Variants in CCND2 observed in about 807,000 individuals in gnomAD.
The protein encoded by CCND2 is G1/S-specific cyclin-D2.
CCND2 carries 6 observed loss-of-function variants against 30.2 expected under a neutral mutation model. The observed-to-expected ratio is 0.20, with a 90% confidence interval of 0.11 to 0.39. The LOEUF (loss-of-function observed/expected upper bound fraction) is 0.39, where lower values mean the gene tolerates loss of function less well. Among genes scored for constraint, CCND2 ranks in the 10% least tolerant of loss-of-function variants. The probability of loss-of-function intolerance (pLI) is 1.00; values close to 1 mark genes in which losing one functional copy is unlikely to be tolerated. For missense variants in CCND2, 235 were observed against 373.4 expected, an observed-to-expected ratio of 0.63 and a Z score of 3.06; for synonymous variants, 150 against 153.1, an observed-to-expected ratio of 0.98 and a Z score of 0.15.
At position 4,276,326 on chromosome 12, in the gene CCND2, A is replaced by G; in HGVS notation, c.411+106A>G. ...CCAGAGCAAATTCTTGGGATCCAGAATGACCCCACCAATAGAATTTACCCA... is the reference window on the plus strand; with the variant it reads ...CCAGAGCAAATTCTTGGGATCCAGAGTGACCCCACCAATAGAATTTACCCA... On this transcript the variant is annotated intron_variant, in intron 2 of 4. Transcript: ENST00000261254. The surrounding 1 kb of genome is among the most constrained non-coding windows in gnomAD (Gnocchi z 4.8). 1 of 884,252 alleles carries G rather than the reference A, an allele frequency of 1.1e-6. No homozygotes were observed. The highest frequency in any genetic ancestry group is 1.8e-6 in the Non-Finnish European group (1 of 569,712). 54.8% of individuals were successfully genotyped at this position (884,252 alleles called of 1,614,324 possible). A position where few individuals can be genotyped will look rare whatever the true frequency, so the allele number is the denominator to read the frequency against.
chr12:4,279,733 T>C (rs908573608), intron 3 of CCND2, among the ~76,000 whole-genome samples: 2 of 151,246 alleles, frequency 1.3e-5, no homozygotes, highest in African/African-American at 4.8e-5. Context: ...GTTTTTTTTT[T>C]TCTTGGTAGT....
intron 3 of CCND2, among the ~76,000 whole-genome samples, chr12:4,281,662 C>T (rs528428529): frequency 3.3e-5 from 5 of 152,154 alleles, no homozygotes; most frequent in South Asian, 4.2e-4. Flanking sequence ...ACCCTCAGGC[C>T]GTGCAGCTAT....
intron 3 of CCND2, among the ~76,000 whole-genome samples, chr12:4,281,366 A>G (rs1863945281): frequency 6.6e-6 from 1 of 152,122 alleles, no homozygotes; most frequent in Non-Finnish European, 1.5e-5. Context: ...CTTGAAGGAA[A>G]CACCTTCCAT....
In CCND2 at chr12:4,299,133, G is replaced by A. The variant is rs568148635; in HGVS notation, c.721-727G>A. Among the ~76,000 whole-genome samples, 9 of 152,044 alleles carry A rather than the reference G, an allele frequency of 5.9e-5. No homozygotes were observed. The highest frequency in any genetic ancestry group is 5.9e-4 in the Admixed American group (9 of 15,292). ...TCCCAGCACTTTGGGAGGCCGATGCGGGCGGATCACAAGGTCAGGAGTTCG... is the reference window on the plus strand; with the variant it reads ...TCCCAGCACTTTGGGAGGCCGATGCAGGCGGATCACAAGGTCAGGAGTTCG... On this transcript the variant is annotated intron_variant, in intron 4 of 4. Transcript: ENST00000261254. The surrounding 1 kb of genome is among the most constrained non-coding windows in gnomAD (Gnocchi z 5.2).
At chr12:4,297,115 A>G (rs12299509) in intron 4 of CCND2, among the ~76,000 whole-genome samples, 64,637 of 152,090 alleles carry the variant, frequency 0.42, 14,749 homozygotes, top group East Asian at 0.56. Flanking sequence ...TTCCTCTCTG[A>G]TGTAGAACCT....
In CCND2 at chr12:4,285,605, C is replaced by A; in HGVS notation, c.572-3237C>A. 5.3e-6 allele frequency: 1 copy of A among 189,212 alleles called. No homozygotes were observed. Among genetic ancestry groups the A allele is most frequent in the Non-Finnish European group, 9.8e-6 (1 of 101,962 alleles). The allele number at this position is 189,212 out of a possible 1,614,324, so 11.7% of individuals were successfully genotyped here. A position where few individuals can be genotyped will look rare whatever the true frequency, so the allele number is the denominator to read the frequency against. ...ATCTTCATCGTCGCATGCATGCATG[C>A]AATTTGGTTTTCCGCTTCCTTCTTC... is the stretch of plus-strand genomic sequence containing the variant. On this transcript the variant is annotated intron_variant, in intron 3 of 4. Coordinates refer to ENST00000261254, the MANE Select transcript of CCND2 (RefSeq NM_001759.4). The surrounding 1 kb of genome is among the most constrained non-coding windows in gnomAD (Gnocchi z 4.1).
chr12:4,284,327 A>C (rs1396256689), intron 3 of CCND2, among the ~76,000 whole-genome samples: 1 of 152,226 alleles, frequency 6.6e-6, no homozygotes, highest in African/African-American at 2.4e-5. Flanking sequence ...AGGTCAGGTA[A>C]CTTGCTCATC....
In CCND2 at chr12:4,297,570, C is replaced by CAA. The variant is rs71061177; in HGVS notation, c.721-2264_721-2263dup. 9.2e-3 allele frequency among the ~76,000 whole-genome samples: 685 copies of CAA among 74,688 alleles called. 33 individuals carry two copies. The highest frequency in any genetic ancestry group is 0.021 in the East Asian group (36 of 1,700). 49.0% of individuals were successfully genotyped at this position (74,688 alleles called of 152,430 possible). A position where few individuals can be genotyped will look rare whatever the true frequency, so the allele number is the denominator to read the frequency against. ...TGGGCGACAGAGCAACACTCTGTCTCAAAAAAAAAAAAAAAAAAAAAAAAA... is the reference window on the plus strand; with the variant it reads ...TGGGCGACAGAGCAACACTCTGTCTCAAAAAAAAAAAAAAAAAAAAAAAAAAA... On this transcript the variant is annotated intron_variant, in intron 4 of 4. Coordinates refer to ENST00000261254, the MANE Select transcript of CCND2 (RefSeq NM_001759.4).
chr12:4,297,416 CAAA>C (rs1864185940), intron 4 of CCND2, among the ~76,000 whole-genome samples: 1 of 151,406 alleles, frequency 6.6e-6, no homozygotes, highest in Admixed American at 6.6e-5. Context: ...ACTATAAATA[CAAA>C]AATCAGCTGG....
rs2120600814 is a variant in CCND2, at chr12:4,302,506, A to T, written c.*2497A>T. 4.3e-6 allele frequency: 1 copy of T among 233,012 alleles called. No individual in the cohort carries two copies. The highest frequency in any genetic ancestry group is 8.5e-6 in the Non-Finnish European group (1 of 117,922). The allele number at this position is 233,012 out of a possible 1,614,324, so 14.4% of individuals were successfully genotyped here. On this transcript the variant is annotated 3_prime_UTR_variant, in exon 5 of 5. Coordinates refer to ENST00000261254, the MANE Select transcript of CCND2 (RefSeq NM_001759.4). ...GCATGGACACCTTGTGTTTAGGATC[A>T]TCTCTGCAGGTTTCCTAGGTCTGAA...
In CCND2 at chr12:4,287,909, C is replaced by G. The variant is rs3217849; in HGVS notation, c.572-933C>G. On this transcript the variant is annotated intron_variant, in intron 3 of 4. Coordinates refer to ENST00000261254, the MANE Select transcript of CCND2 (RefSeq NM_001759.4). The surrounding 1 kb of genome is among the most constrained non-coding windows in gnomAD (Gnocchi z 4.0). ...TGGTCTTCCAAGAGGAGCCCTCTAGCATGGCAGTGGACGGGGTTCAAGCCC... is the reference window on the plus strand; with the variant it reads ...TGGTCTTCCAAGAGGAGCCCTCTAGGATGGCAGTGGACGGGGTTCAAGCCC... Among the ~76,000 whole-genome samples, 29 of 152,312 alleles carry G rather than the reference C, an allele frequency of 1.9e-4. No homozygotes were observed. Among genetic ancestry groups the G allele is most frequent in the African/African-American group, 7.0e-4 (29 of 41,580 alleles).
In CCND2 at chr12:4,274,319, G is replaced by A; in HGVS notation, c.195+84G>A. 1 of 1,432,254 alleles carries A rather than the reference G, an allele frequency of 7.0e-7. No homozygotes were observed. The allele number at this position is 1,432,254 out of a possible 1,614,324, so 88.7% of individuals were successfully genotyped here. A position where few individuals can be genotyped will look rare whatever the true frequency, so the allele number is the denominator to read the frequency against. ...GGCCGGAGCCCTAAACCTGGGAGAGGGCAATCCCCGCGCCGGCCTCCCGGC... is the reference window on the plus strand; with the variant it reads ...GGCCGGAGCCCTAAACCTGGGAGAGAGCAATCCCCGCGCCGGCCTCCCGGC... On this transcript the variant is annotated intron_variant, in intron 1 of 4. Transcript: ENST00000261254. The surrounding 1 kb of genome is among the most constrained non-coding windows in gnomAD (Gnocchi z 7.7).
intron 4 of CCND2, among the ~76,000 whole-genome samples, chr12:4,292,769 G>A (rs553392706): frequency 1.7e-4 from 26 of 152,216 alleles, no homozygotes; most frequent in African/African-American, 4.6e-4. Context: ...TAGGGGGGAC[G>A]TCTATTGGGG....
chr12:4,287,131 G>A lies in CCND2; in HGVS notation c.572-1711G>A, dbSNP rs1021234578. ...GGGCGGGTGGACAGCAGGCGTGGGC[G>A]CAGCACCATTATATACGTCCCTCAA... is the stretch of plus-strand genomic sequence containing the variant. On this transcript the variant is annotated intron_variant, in intron 3 of 4. Transcript: ENST00000261254. The surrounding 1 kb of genome is among the most constrained non-coding windows in gnomAD (Gnocchi z 4.0). Among the ~76,000 whole-genome samples, 2 of 152,222 alleles carry A rather than the reference G, an allele frequency of 1.3e-5. No individual in the cohort carries two copies. Among genetic ancestry groups the A allele is most frequent in the African/African-American group, 4.8e-5 (2 of 41,456 alleles).
At position 4,293,899 on chromosome 12, in the gene CCND2, G is replaced by A. The variant is rs555376664; in HGVS notation, c.720+4909G>A. 4.6e-5 allele frequency among the ~76,000 whole-genome samples: 7 copies of A among 152,328 alleles called. No homozygotes were observed. Among genetic ancestry groups the A allele is most frequent in the African/African-American group, 1.4e-4 (6 of 41,562 alleles). ...AAGCTGGGGGTGGGGAGGTGGAATAGAATCGGGGGCTGATGCCTCCCTCTC... is the reference window on the plus strand; with the variant it reads ...AAGCTGGGGGTGGGGAGGTGGAATAAAATCGGGGGCTGATGCCTCCCTCTC... On this transcript the variant is annotated intron_variant, in intron 4 of 4. Transcript: ENST00000261254. This position sits in a 1 kb window ranked among gnomAD's most constrained non-coding sequence, Gnocchi z 4.9.
intron 2 of CCND2, among the ~76,000 whole-genome samples, chr12:4,278,211 CAG>C (rs755045208): frequency 2.0e-5 from 3 of 152,194 alleles, no homozygotes; most frequent in African/African-American, 2.4e-5. Flanking sequence ...GTTTGAGCAG[CAG>C]AGAGATAAAG....
At chr12:4,290,617 T>C (rs28664121) in intron 4 of CCND2, among the ~76,000 whole-genome samples, 84 of 149,812 alleles carry the variant, frequency 5.6e-4, no homozygotes, top group African/African-American at 1.6e-3. Flanking sequence ...TGTAACCTTT[T>C]CCCCCGATGT....
At chr12:4,290,767 C>T (rs577310005) in intron 4 of CCND2, among the ~76,000 whole-genome samples, 86 of 152,308 alleles carry the variant, frequency 5.6e-4, no homozygotes, top group African/African-American at 1.9e-3. Context: ...CTTGGCTTTT[C>T]GAGACCGCAG....
rs1000472058 is a variant in CCND2 at position 4,273,785 on chromosome 12, G to C, written c.-256G>C. ...TCAGAGCGGAGAAGAGCGAGCAGGG[G>C]AGAGCGAGACCAGTTTTAAGGGGAG... On this transcript the variant is annotated 5_prime_UTR_variant, in exon 1 of 5. Coordinates refer to ENST00000261254, the MANE Select transcript of CCND2 (RefSeq NM_001759.4). This position sits in a 1 kb window ranked among gnomAD's most constrained non-coding sequence, Gnocchi z 5.9. 2.5e-5 allele frequency: 14 copies of C among 558,548 alleles called. No individual in the cohort carries two copies. The highest frequency in any genetic ancestry group is 4.1e-5 in the Non-Finnish European group (13 of 314,780). 34.6% of individuals were successfully genotyped at this position (558,548 alleles called of 1,614,324 possible).
Sources: allele counts gnomAD v4.1 joint callset (sites outside exome capture counted in the v4.1 genomes callset), GRCh38; gene constraint gnomAD v4.1.1; non-coding constraint Gnocchi (gnomAD v3.1); transcripts MANE v1.5; gene names NCBI Gene and HGNC (gene_info 2026-07-23, HGNC 2026-07-21).